The following PDCD11 variants were observed in gnomAD, a reference collection of about 807,000 sequenced individuals.
PDCD11 encodes the protein programmed cell death 11, also known as protein RRP5 homolog.
In PDCD11, 97 loss-of-function variants were observed where a neutral mutation model predicts 198.9. The observed-to-expected ratio is 0.49, with a 90% confidence interval of 0.41 to 0.58. PDCD11 has a LOEUF of 0.58. PDCD11 is among the 20% of genes least tolerant of loss of function. PDCD11 has a pLI of 0.00. For synonymous variants in PDCD11, 893 were observed against 918.0 expected (o/e 0.97, Z 0.49); for missense variants, 2,102 against 2,312.7 (o/e 0.91, Z 1.87).
rs929992550 is a variant in PDCD11, at chr10:103,396,646, C to T, written c.-96C>T. On this transcript the variant is annotated 5_prime_UTR_variant, in exon 1 of 36. Transcript: ENST00000369797. The stretch of plus-strand genomic sequence containing the variant: ...CGCCCACACTTCCGGAAGAATTGCA[C>T]TGGACTGTGGGTATCCTGGTCTCCG... 4.6e-5 allele frequency: 7 copies of T among 152,440 alleles called. No homozygotes were observed. The highest frequency in any genetic ancestry group is 1.4e-4 in the African/African-American group (6 of 41,580). The allele number at this position is 152,440 out of a possible 1,614,324, so 9.4% of individuals were successfully genotyped here.
chr10:103,403,433 C>G, intron 4 of PDCD11, 148 bp downstream of exon 4: 1 of 703,268 alleles, frequency 1.4e-6, no homozygotes. Context: ...GTCTGGGAGC[C>G]TGGAAGACTG....
intron 21 of PDCD11, among the ~76,000 whole-genome samples, chr10:103,431,104 A>G (rs1293340196): frequency 6.6e-6 from 1 of 151,716 alleles, no homozygotes; most frequent in African/African-American, 2.4e-5. Flanking sequence ...GAAAGTTCCC[A>G]TTTTCTACAT....
Position 103,414,024 on chromosome 10 carries a change from A to G in PDCD11, c.1244A>G (p.Asn415Ser). Residue 415 changes from asparagine to serine, a missense_variant, in exon 10 of 36, where the codon AAC becomes AGC. Transcript: ENST00000369797. ...VFNPEAFKPG[N>S]THKCRIIDYS... Reference sequence around the variant, plus strand: ...AATCCTGAGGCCTTCAAGCCAGGGAACACTCACAAGTGTAGAATTATTGAC... The same window carrying G: ...AATCCTGAGGCCTTCAAGCCAGGGAGCACTCACAAGTGTAGAATTATTGAC... 1 of 1,613,784 alleles carries G rather than the reference A, an allele frequency of 6.2e-7. No individual in the cohort carries two copies. The highest frequency in any genetic ancestry group is 2.2e-5 in the East Asian group (1 of 44,882).
Position 103,405,179 on chromosome 10 carries a change from G to T in PDCD11, c.560G>T (p.Gly187Val). 1 of 1,613,156 alleles carries T rather than the reference G, an allele frequency of 6.2e-7. No individual in the cohort carries two copies. Among genetic ancestry groups the T allele is most frequent in the Non-Finnish European group, 8.5e-7 (1 of 1,179,790 alleles). ...CTGAGTGCTGAGGCCCTGAAGCCTG[G>T]CATGGTAGGTGTCTAGGGTCGGGGA... The part of the protein sequence containing the change: ...RVLSAEALKP[G>V]MLLTGTVSSL... Residue 187 changes from glycine (G) to valine (V), a missense_variant, in exon 5 of 36, where the codon GGC becomes GTC. By Grantham distance (109) the Gly-to-Val change is moderately radical. Coordinates refer to ENST00000369797, the MANE Select transcript of PDCD11 (RefSeq NM_014976.2).
chr10:103,415,581 A>G (rs1294124246), intron 12 of PDCD11, among the ~76,000 whole-genome samples: 2 of 152,258 alleles, frequency 1.3e-5, no homozygotes, highest in Admixed American at 6.5e-5. Flanking sequence ...CCTAACAATT[A>G]AGCACTATTA....
At chr10:103,426,531 C>T (rs1422677319) in intron 20 of PDCD11, among the ~76,000 whole-genome samples, 1 of 152,050 alleles carries the variant, frequency 6.6e-6, no homozygotes, top group Non-Finnish European at 1.5e-5. Context: ...CGGTGGCTCA[C>T]GCCTGTAATT....
chr10:103,442,888 G>T (rs775656675), intron 32 of PDCD11, among the ~76,000 whole-genome samples: 13 of 152,198 alleles, frequency 8.5e-5, no homozygotes, highest in Non-Finnish European at 1.8e-4. Context: ...TCTGCGTCCA[G>T]CCCAAACCTC....
At position 103,434,230 on chromosome 10, in the gene PDCD11, GT is replaced by G; in HGVS notation, c.3565-11del. On this transcript the variant is annotated splice_polypyrimidine_tract_variant and intron_variant, in intron 23 of 35. Transcript: ENST00000369797. ...CAGCCTTTCTTCAAGCATCACAGGA[GT>G]TTTTTTATCCTTCCAGGTTCTGAAG... The G allele has an allele frequency of 6.4e-7, 1 of 1,566,576 alleles. No homozygotes were observed. Among genetic ancestry groups the G allele is most frequent in the Non-Finnish European group, 8.8e-7 (1 of 1,136,892 alleles).
chr10:103,434,357 G>A lies in PDCD11; in HGVS notation c.3667+7G>A, dbSNP rs368484461. On this transcript the variant is annotated splice_region_variant and intron_variant, in intron 24 of 35. Coordinates refer to ENST00000369797, the MANE Select transcript of PDCD11 (RefSeq NM_014976.2). Reference sequence around the variant, plus strand: ...TTATGTCTGTCCCTCACAGGTGTGGGGATGAAACAGTGCCTGGTCGGGGAA... The same window carrying A: ...TTATGTCTGTCCCTCACAGGTGTGGAGATGAAACAGTGCCTGGTCGGGGAA... 3.8e-6 allele frequency: 6 copies of A among 1,561,126 alleles called. No homozygotes were observed. Among genetic ancestry groups the A allele is most frequent in the Non-Finnish European group, 5.3e-6 (6 of 1,132,218 alleles).
Position 103,413,108 on chromosome 10 carries a change from T to G in PDCD11, c.979-8T>G. The G allele has an allele frequency of 6.2e-7, 1 of 1,612,542 alleles. No individual in the cohort carries two copies. On this transcript the variant is annotated splice_region_variant and splice_polypyrimidine_tract_variant and intron_variant, in intron 8 of 35. Transcript: ENST00000369797. ...CCTCCTGCTCACCCTGCCCTTCCTT[T>G]TGTCTAGGTGAGGGCCTGCATCCTT... is the stretch of plus-strand genomic sequence containing the variant.
chr10:103,429,193 G>A (rs1484074456), intron 21 of PDCD11, among the ~76,000 whole-genome samples: 2 of 152,130 alleles, frequency 1.3e-5, no homozygotes, highest in East Asian at 3.8e-4. Context: ...CATCTTACCT[G>A]CTTACTCCTC....
intron 35 of PDCD11, 89 bp downstream of exon 35, chr10:103,444,771 C>T: frequency 8.0e-7 from 1 of 1,254,982 alleles, no homozygotes; most frequent in East Asian, 2.3e-5. Flanking sequence ...TCCCAGTTCT[C>T]TTACTTGATC....
chr10:103,424,571 T>G (rs1419421393), intron 19 of PDCD11, among the ~76,000 whole-genome samples: 11 of 152,104 alleles, frequency 7.2e-5, no homozygotes, highest in Non-Finnish European at 1.5e-5. Flanking sequence ...ATTCATTGCT[T>G]GGGTTGAAGA....
chr10:103,398,604 G>T, intron 2 of PDCD11, 76 bp downstream of exon 2: 1 of 957,536 alleles, frequency 1.0e-6, no homozygotes, highest in South Asian at 1.4e-5. Flanking sequence ...AGCCTTATTT[G>T]AGAATGTGTT....
chr10:103,420,771 G>A (rs1289092868), intron 16 of PDCD11, among the ~76,000 whole-genome samples: 1 of 152,212 alleles, frequency 6.6e-6, no homozygotes, highest in Non-Finnish European at 1.5e-5. Context: ...GTTGTTAGGG[G>A]TGAGGACAGC....
At chr10:103,425,630 T>C in intron 20 of PDCD11, 105 bp downstream of exon 20, 1 of 924,614 alleles carries the variant, frequency 1.1e-6, no homozygotes, top group Non-Finnish European at 1.6e-6. Flanking sequence ...AGTCAGATTC[T>C]CTTTTAGTTA....
At chr10:103,424,258 T>A (rs1028336686) in intron 19 of PDCD11, among the ~76,000 whole-genome samples, 2 of 152,324 alleles carry the variant, frequency 1.3e-5, no homozygotes, top group Admixed American at 1.3e-4. Flanking sequence ...GAAAAATTAT[T>A]ATTTTTCTCT....
At position 103,442,339 on chromosome 10, in the gene PDCD11, G is replaced by C; in HGVS notation, c.4834G>C (p.Val1612Leu). Reference protein sequence around the residue: ...PESADDFDRLVLSSPNSSILW... With the variant: ...PESADDFDRLLLSSPNSSILW... ...GTCCGCGGATGATTTTGACCGACTG[G>C]TGCTGAGCTCCCCCAACAGCTCCAT... Residue 1612 changes from valine (V) to leucine (L), a missense_variant, in exon 32 of 36, where the codon GTG becomes CTG. Val to Leu is a conservative substitution (Grantham distance 32). Coordinates refer to ENST00000369797, the MANE Select transcript of PDCD11 (RefSeq NM_014976.2). The C allele has an allele frequency of 1.2e-6, 2 of 1,614,222 alleles. No homozygotes were observed. Among genetic ancestry groups the C allele is most frequent in the Non-Finnish European group, 1.7e-6 (2 of 1,180,042 alleles).
chr10:103,441,550 T>A (rs1228530469), intron 30 of PDCD11, among the ~76,000 whole-genome samples: 3 of 152,234 alleles, frequency 2.0e-5, no homozygotes, highest in African/African-American at 7.2e-5. Context: ...CCACCACACC[T>A]GGCTTCTACT....
Sources: gnomAD v4.1 joint callset for allele counts (sites outside exome capture counted in the v4.1 genomes callset) on GRCh38, gnomAD v4.1.1 for gene constraint, MANE v1.5 for transcripts, NCBI Gene and HGNC (gene_info 2026-07-23, HGNC 2026-07-21) for gene names.